SBF2: variants seen among roughly 807,000 people sequenced by gnomAD.
The protein encoded by SBF2 is SET binding factor 2, also known as myotubularin-related protein 13.
In SBF2, 112 loss-of-function variants were observed where a neutral mutation model predicts 225.2. That is an observed-to-expected ratio of 0.50 (90% CI 0.43 to 0.58). The LOEUF (loss-of-function observed/expected upper bound fraction) is 0.58, where lower values mean the gene tolerates loss of function less well. Among genes scored for constraint, SBF2 ranks in the 20% least tolerant of loss-of-function variants. SBF2 has a pLI of 0.00. For missense variants in SBF2, 1,996 were observed against 2,206.2 expected, an observed-to-expected ratio of 0.90 and a Z score of 1.91; for synonymous variants, 763 against 773.3, an observed-to-expected ratio of 0.99 and a Z score of 0.22.
chr11:9,931,251 T>G (rs1459001525), intron 16 of SBF2, among the ~76,000 whole-genome samples: 1 of 152,232 alleles, frequency 6.6e-6, no homozygotes, highest in African/African-American at 2.4e-5. Context: ...AAGAGAGCAG[T>G]GGTTCTTCCA....
chr11:10,231,604 C>T (rs985428786), intron 1 of SBF2, among the ~76,000 whole-genome samples: 6 of 152,200 alleles, frequency 3.9e-5, no homozygotes, highest in African/African-American at 9.7e-5. Context: ...GTATCAGCAG[C>T]GGTGGCTGCA....
At chr11:9,933,837 CA>C (rs991002033) in intron 16 of SBF2, among the ~76,000 whole-genome samples, 1 of 152,054 alleles carries the variant, frequency 6.6e-6, no homozygotes, top group Non-Finnish European at 1.5e-5. Context: ...GATAGAGACA[CA>C]AAAAACCTTT....
chr11:9,794,354 C>A (rs1852955694), intron 33 of SBF2, among the ~76,000 whole-genome samples: 1 of 152,098 alleles, frequency 6.6e-6, no homozygotes, highest in South Asian at 2.1e-4. Context: ...GACATGGTGA[C>A]CCCTGTAGGT....
intron 6 of SBF2, among the ~76,000 whole-genome samples, chr11:10,021,637 C>A (rs1263310144): frequency 6.6e-6 from 1 of 152,102 alleles, no homozygotes; most frequent in East Asian, 1.9e-4. Flanking sequence ...GAGAGAAGAA[C>A]AAAGGAAATG....
chr11:9,854,610 G>A (rs1335639577), intron 19 of SBF2, among the ~76,000 whole-genome samples: 1 of 151,984 alleles, frequency 6.6e-6, no homozygotes, highest in Non-Finnish European at 1.5e-5. Context: ...TTAGAGACAG[G>A]GTCTCACTCT....
At chr11:9,888,320 G>A (rs779002878) in intron 17 of SBF2, among the ~76,000 whole-genome samples, 2 of 152,000 alleles carry the variant, frequency 1.3e-5, no homozygotes, top group Non-Finnish European at 2.9e-5. Flanking sequence ...AATACAGTGA[G>A]ATGTCATCTC....
chr11:9,930,693 C>T (rs933286164), intron 16 of SBF2, among the ~76,000 whole-genome samples: 13 of 152,296 alleles, frequency 8.5e-5, no homozygotes, highest in African/African-American at 2.2e-4. Flanking sequence ...ATGCAGAAGA[C>T]GGGTGATTTC....
chr11:9,926,184 T>C (rs550643557), intron 16 of SBF2, among the ~76,000 whole-genome samples: 2 of 152,312 alleles, frequency 1.3e-5, no homozygotes, highest in South Asian at 4.2e-4. Context: ...ACATTGAACT[T>C]TGGTCATTTC....
intron 2 of SBF2, among the ~76,000 whole-genome samples, chr11:10,056,857 T>A (rs564176033): frequency 6.6e-6 from 1 of 152,250 alleles, no homozygotes; most frequent in South Asian, 2.1e-4. Context: ...GGCTTTGGAG[T>A]GTCTGAGGCA....
Position 9,989,552 on chromosome 11 carries a change from T to C in SBF2, c.1340A>G (p.Asn447Ser), listed in dbSNP as rs776937314. ...GACATGCTTTATCATCTTCACTGGG[T>C]TATTTTCTTCAACTTTAATTCTCTC... ...EVERIKVEEN[N>S]PVKMIKHVRE... The change falls in exon 13 of 40, where the codon AAC (asparagine) becomes AGC (serine). Residue 447 changes from asparagine (N) to serine (S), a missense_variant. Coordinates refer to ENST00000256190, the MANE Select transcript of SBF2 (RefSeq NM_030962.4). 6 of 1,611,250 alleles carry C rather than the reference T, an allele frequency of 3.7e-6. No homozygotes were observed. Among genetic ancestry groups the C allele is most frequent in the Non-Finnish European group, 4.2e-6 (5 of 1,177,906 alleles).
chr11:10,293,883 C>T, intron 1 of SBF2, 132 bp downstream of exon 1: 1 of 629,054 alleles, frequency 1.6e-6, no homozygotes, highest in Non-Finnish European at 2.2e-6. Context: ...GGCCGGACGC[C>T]GACCGCCCGC....
rs1258242566 is a variant in SBF2 at position 9,845,578 on chromosome 11, T to C, written c.3097A>G (p.Asn1033Asp). 6.2e-6 allele frequency: 10 copies of C among 1,613,674 alleles called. No individual in the cohort carries two copies. Among genetic ancestry groups the C allele is most frequent in the Non-Finnish European group, 8.5e-6 (10 of 1,179,692 alleles). ...CTTTCTTCTTACCGAAAAGAAGTGT[T>C]CTTTTCCTTCTGTTTTGGTAAAATT... ...QIILPKQKEK[N>D]TSFRTFSKTI... Residue 1033 changes from asparagine to aspartate, a missense_variant, in exon 24 of 40, where the codon AAC (asparagine) becomes GAC (aspartate). By Grantham distance (23) the Asn-to-Asp change is conservative. Transcript: ENST00000256190.
At chr11:10,149,277 TACACGTAAG>T (rs1026271239) in intron 2 of SBF2, 2 of 152,236 alleles carry the variant, frequency 1.3e-5, no homozygotes, top group African/African-American at 4.8e-5. Flanking sequence ...GCCACTCGGC[TACACGTAAG>T]ACTGAGAAGT....
intron 3 of SBF2, among the ~76,000 whole-genome samples, chr11:10,035,239 G>A (rs1565157538): frequency 6.6e-6 from 1 of 152,038 alleles, no homozygotes; most frequent in Non-Finnish European, 1.5e-5. Flanking sequence ...CTCCCAAAGT[G>A]CTGGGATTAC....
intron 17 of SBF2, among the ~76,000 whole-genome samples, chr11:9,878,868 C>T (rs897128872): frequency 1.3e-5 from 2 of 152,126 alleles, no homozygotes; most frequent in African/African-American, 2.4e-5. Context: ...TGCCTATGAC[C>T]GAGGGTTAAG....
At chr11:10,070,790 G>A (rs563157205) in intron 2 of SBF2, among the ~76,000 whole-genome samples, 1 of 152,318 alleles carries the variant, frequency 6.6e-6, no homozygotes, top group South Asian at 2.1e-4. Flanking sequence ...TCCTATCCAT[G>A]AGCATGGAAT....
At chr11:10,197,375 G>A (rs1371236545) in intron 1 of SBF2, among the ~76,000 whole-genome samples, 1 of 152,196 alleles carries the variant, frequency 6.6e-6, no homozygotes, top group African/African-American at 2.4e-5. Context: ...TGGTTTCTCA[G>A]TGCATGTAAA....
chr11:10,107,488 G>T (rs1212864354), intron 2 of SBF2, among the ~76,000 whole-genome samples: 1 of 152,100 alleles, frequency 6.6e-6, no homozygotes, highest in Non-Finnish European at 1.5e-5. Context: ...GGGCTGCTGT[G>T]ACAAATTACC....
intron 1 of SBF2, among the ~76,000 whole-genome samples, chr11:10,249,385 T>A (rs1230371538): frequency 6.6e-6 from 1 of 152,138 alleles, no homozygotes; most frequent in Admixed American, 6.5e-5. Context: ...AATATGGCTT[T>A]CTCGAACAAG....
Sources: gnomAD v4.1 joint callset for allele counts (sites outside exome capture counted in the v4.1 genomes callset) on GRCh38, gnomAD v4.1.1 for gene constraint, MANE v1.5 for transcripts, NCBI Gene and HGNC (gene_info 2026-07-23, HGNC 2026-07-21) for gene names.